Variants in DLC1 observed in about 807,000 individuals in gnomAD.
The protein encoded by DLC1 is rho GTPase-activating protein 7.
DLC1 carries 54 observed loss-of-function variants against 140.3 expected under a neutral mutation model. The ratio of observed to expected loss-of-function variants is 0.38; its 90% CI spans 0.31 to 0.48. The LOEUF is 0.48. DLC1 is among the 20% of genes least tolerant of loss of function. DLC1 has a pLI of 0.96. For synonymous variants in DLC1, 986 were observed against 728.1 expected, an observed-to-expected ratio of 1.35 and a Z score of -5.70; for missense variants, 2,536 against 1,907.0, an observed-to-expected ratio of 1.33 and a Z score of -6.14.
intron 1 of DLC1, chr8:13,536,046 C>T (rs1258136738): frequency 6.6e-6 from 1 of 152,110 alleles, no homozygotes; most frequent in African/African-American, 2.4e-5. Flanking sequence ...GCCATACCAC[C>T]CTGAACGTGC....
At chr8:13,409,422 G>A (rs1004426834) in intron 2 of DLC1, among the ~76,000 whole-genome samples, 3 of 152,068 alleles carry the variant, frequency 2.0e-5, no homozygotes, top group Non-Finnish European at 2.9e-5. Context: ...TGAATTTGCA[G>A]ATTTAGCAAA....
intron 1 of DLC1, among the ~76,000 whole-genome samples, chr8:13,585,902 T>C (rs1805289533): frequency 6.6e-6 from 1 of 152,308 alleles, no homozygotes; most frequent in African/African-American, 2.4e-5. Context: ...TTCAGTGTAT[T>C]AATTTTGGAG....
chr8:13,322,663 T>C (rs570569532), intron 4 of DLC1, among the ~76,000 whole-genome samples: 4 of 152,348 alleles, frequency 2.6e-5, no homozygotes, highest in South Asian at 2.1e-4. Flanking sequence ...TGCTGAAATA[T>C]GCTATGTTTC....
chr8:13,486,143 C>T (rs58790655), intron 2 of DLC1, among the ~76,000 whole-genome samples: 9,288 of 152,076 alleles, frequency 0.061, 839 homozygotes, highest in East Asian at 0.39. Context: ...CTATGTTGAC[C>T]ATGGGGAAGG....
At chr8:13,361,187 A>G (rs934391524) in intron 4 of DLC1, among the ~76,000 whole-genome samples, 1 of 152,136 alleles carries the variant, frequency 6.6e-6, no homozygotes, top group Admixed American at 6.5e-5. Flanking sequence ...AGCCTTAATT[A>G]TACCACTGCA....
At chr8:13,357,555 T>TTCTTACTGGGTTTCTGCTG (rs2117059723) in intron 4 of DLC1, among the ~76,000 whole-genome samples, 1 of 152,332 alleles carries the variant, frequency 6.6e-6, no homozygotes, top group African/African-American at 2.4e-5. Flanking sequence ...CTCTGGCACA[T>TTCTTACTGGGTTTCTGCTG]TCTTACTGGG....
chr8:13,556,763 A>C (rs1804060067), intron 1 of DLC1, among the ~76,000 whole-genome samples: 1 of 152,184 alleles, frequency 6.6e-6, no homozygotes, highest in Non-Finnish European at 1.5e-5. Context: ...AGTGGGAAAA[A>C]CATATGCTTA....
intron 5 of DLC1, among the ~76,000 whole-genome samples, chr8:13,212,645 A>G (rs1828001572): frequency 1.3e-5 from 2 of 152,152 alleles, no homozygotes; most frequent in African/African-American, 4.8e-5. Flanking sequence ...TGGGTGACAA[A>G]TGATTGCCCG....
At chr8:13,579,345 ATATATATATATATATATTTTTATAT>A (rs1563453946) in intron 1 of DLC1, among the ~76,000 whole-genome samples, 1,074 of 51,448 alleles carry the variant, frequency 0.021, 383 homozygotes, top group African/African-American at 0.098. Flanking sequence ...ATATATATAT[ATATATATATATATATATTTTTATAT>A]AATACATATT....
chr8:13,212,622 G>A (rs1481151911), intron 5 of DLC1, among the ~76,000 whole-genome samples: 2 of 151,990 alleles, frequency 1.3e-5, no homozygotes, highest in Admixed American at 1.3e-4. Flanking sequence ...GAAAATAGAA[G>A]GAAAAGATGA....
At chr8:13,190,441 G>A (rs963978102) in intron 5 of DLC1, among the ~76,000 whole-genome samples, 6 of 152,106 alleles carry the variant, frequency 3.9e-5, no homozygotes, top group African/African-American at 1.4e-4. Context: ...AAATCTGTCT[G>A]CAGACAGTAT....
chr8:13,227,619 C>T (rs889809235), intron 5 of DLC1, among the ~76,000 whole-genome samples: 2 of 152,156 alleles, frequency 1.3e-5, no homozygotes, highest in Non-Finnish European at 2.9e-5. Context: ...TACATACACT[C>T]GACCCCTTCA....
chr8:13,459,307 G>T (rs965160471), intron 2 of DLC1, among the ~76,000 whole-genome samples: 4 of 152,132 alleles, frequency 2.6e-5, no homozygotes, highest in African/African-American at 7.2e-5. Context: ...AGGAAGTGGA[G>T]GGTGTTGACC....
At chr8:13,150,885 T>C (rs1473612771) in intron 5 of DLC1, among the ~76,000 whole-genome samples, 1 of 152,252 alleles carries the variant, frequency 6.6e-6, no homozygotes. Flanking sequence ...TAAAAATGCA[T>C]GAGCCTTCAT....
chr8:13,225,353 G>T lies in DLC1; in HGVS notation c.1348+79916C>A, dbSNP rs576730464. ...ATTTCCCAGTTAAGTCAAGAGATTT[G>T]TCAGAGTTCAGGAGTGGATGTGAAC... On this transcript the variant is annotated intron_variant, in intron 5 of 17. Coordinates refer to ENST00000276297, the MANE Select transcript of DLC1 (RefSeq NM_182643.3). 7.9e-5 allele frequency among the ~76,000 whole-genome samples: 12 copies of T among 152,244 alleles called. No individual in the cohort carries two copies. The South Asian group carries it at 1.2e-3, about 16-fold the overall frequency.
chr8:13,463,798 C>T (rs1334857892), intron 2 of DLC1, among the ~76,000 whole-genome samples: 1 of 152,106 alleles, frequency 6.6e-6, no homozygotes, highest in African/African-American at 2.4e-5. Flanking sequence ...ATCATCCTTC[C>T]CTAGAGAGTT....
chr8:13,087,082 T>C (rs574552283), intron 16 of DLC1, among the ~76,000 whole-genome samples: 1 of 152,324 alleles, frequency 6.6e-6, no homozygotes, highest in East Asian at 1.9e-4. Flanking sequence ...CTCTTTGCCC[T>C]TCCACTATGG....
chr8:13,564,593 T>C (rs1302326634), intron 1 of DLC1, among the ~76,000 whole-genome samples: 1 of 152,216 alleles, frequency 6.6e-6, no homozygotes, highest in African/African-American at 2.4e-5. Context: ...ACGTTTATGA[T>C]ATCTGGGGGG....
chr8:13,430,433 G>C (rs932966420), intron 2 of DLC1, among the ~76,000 whole-genome samples: 1 of 152,180 alleles, frequency 6.6e-6, no homozygotes, highest in Non-Finnish European at 1.5e-5. Context: ...CATGGTTATT[G>C]GAGACCTTTC....
Sources: gnomAD v4.1 joint callset for allele counts (sites outside exome capture counted in the v4.1 genomes callset) on GRCh38, gnomAD v4.1.1 for gene constraint, MANE v1.5 for transcripts, NCBI Gene and HGNC (gene_info 2026-07-23, HGNC 2026-07-21) for gene names.